MLLT10: variants seen among roughly 807,000 people sequenced by gnomAD.
MLLT10 encodes MLLT10 histone lysine methyltransferase DOT1L cofactor.
MLLT10 carries 30 observed loss-of-function variants against 129.1 expected under a neutral mutation model. The observed-to-expected ratio is 0.23, with a 90% CI of 0.17 to 0.32. MLLT10 has a LOEUF of 0.32. MLLT10 is among the 10% of genes least tolerant of loss of function. The pLI is 1.00. For missense variants in MLLT10, 1,119 were observed against 1,268.3 expected (o/e 0.88, Z 1.79); for synonymous variants, 490 against 446.4 (o/e 1.10, Z -1.23).
intron 5 of MLLT10, among the ~76,000 whole-genome samples, chr10:21,608,869 C>G (rs2044319600): frequency 2.6e-5 from 4 of 152,112 alleles, no homozygotes; most frequent in Admixed American, 2.6e-4. Flanking sequence ...CATCTGGGTA[C>G]TCTCAAAGAC....
chr10:21,543,333 C>A (rs2035529097), intron 3 of MLLT10, among the ~76,000 whole-genome samples: 2 of 152,050 alleles, frequency 1.3e-5, no homozygotes, highest in African/African-American at 2.4e-5. Context: ...TTTGGCCAGG[C>A]TGGTCTCGAA....
chr10:21,646,539 G>A (rs985255332), intron 8 of MLLT10, among the ~76,000 whole-genome samples: 3 of 150,694 alleles, frequency 2.0e-5, no homozygotes, highest in Non-Finnish European at 4.4e-5. Context: ...TCTACCTTGT[G>A]CTTGTTTAAG....
chr10:21,625,123 A>G, intron 8 of MLLT10: 4 of 999,256 alleles, frequency 4.0e-6, no homozygotes, highest in Non-Finnish European at 6.3e-6. Flanking sequence ...CCTCTCCCCC[A>G]ACCTCTAATC....
intron 10 of MLLT10, among the ~76,000 whole-genome samples, chr10:21,672,168 A>AGTGTGTGTGTGTGTGTGT (rs55769872): frequency 1.0e-3 from 136 of 134,364 alleles, no homozygotes; most frequent in African/African-American, 3.5e-3. Flanking sequence ...CCAGGTTTTC[A>AGTGTGTGTGTGTGTGTGT]GTGTGTGTGT....
intron 8 of MLLT10, among the ~76,000 whole-genome samples, chr10:21,648,857 G>C (rs1260417501): frequency 1.3e-5 from 2 of 152,122 alleles, no homozygotes; most frequent in African/African-American, 4.8e-5. Flanking sequence ...GAGACAATGT[G>C]CAGGGGAACT....
upstream of MLLT10, among the ~76,000 whole-genome samples, chr10:21,533,998 C>A (rs947130959): frequency 1.3e-5 from 2 of 152,012 alleles, no homozygotes; most frequent in African/African-American, 4.8e-5. Context: ...CTGCAGAGGG[C>A]GGCCCTAACG....
intron 3 of MLLT10, among the ~76,000 whole-genome samples, chr10:21,577,104 C>T (rs2040850298): frequency 6.6e-6 from 1 of 152,188 alleles, no homozygotes; most frequent in Non-Finnish European, 1.5e-5. Flanking sequence ...TGGGACATTT[C>T]ATATAAATGG....
chr10:21,625,489 A>C, intron 8 of MLLT10: 1 of 992,120 alleles, frequency 1.0e-6, no homozygotes, highest in Middle Eastern at 2.1e-4. Flanking sequence ...AGCCCATTCA[A>C]CTGTAACTAC....
intron 17 of MLLT10, among the ~76,000 whole-genome samples, chr10:21,731,377 A>G (rs1251089185): frequency 2.0e-5 from 3 of 152,156 alleles, no homozygotes; most frequent in South Asian, 2.1e-4. Flanking sequence ...ATTAAATGAC[A>G]TGAAAAATGT....
chr10:21,539,004 C>A, intron 3 of MLLT10, 92 bp downstream of exon 3: 2 of 818,198 alleles, frequency 2.4e-6, no homozygotes, highest in South Asian at 3.5e-5. Flanking sequence ...GGTTGTCAGT[C>A]ATTTCTTCAA....
chr10:21,583,971 G>A (rs1231189029), intron 3 of MLLT10, among the ~76,000 whole-genome samples: 2 of 151,678 alleles, frequency 1.3e-5, no homozygotes, highest in Admixed American at 6.6e-5. Flanking sequence ...CTGGGTTCAC[G>A]CCATTCTTCT....
chr10:21,584,714 GTATA>G lies in MLLT10; in HGVS notation c.241-1574_241-1571del, dbSNP rs946069817. Among the ~76,000 whole-genome samples the G allele has an allele frequency of 1.0e-3, 153 of 151,508 alleles. 2 individuals are homozygous for G. The highest frequency in any genetic ancestry group is 3.6e-3 in the African/African-American group (148 of 41,320). ...TTGTAATTTATATATGTATGTAAGT[GTATA>G]TATATTTATATGTAGGGTGTGTATA... On this transcript the variant is annotated intron_variant, in intron 3 of 22. Transcript: ENST00000307729.
At chr10:21,576,927 G>A (rs1330245847) in intron 3 of MLLT10, among the ~76,000 whole-genome samples, 3 of 152,126 alleles carry the variant, frequency 2.0e-5, no homozygotes, top group African/African-American at 7.2e-5. Context: ...CACTGCGCCC[G>A]GCCAATTGTT....
At chr10:21,597,120 A>G (rs528739004) in intron 5 of MLLT10, among the ~76,000 whole-genome samples, 3 of 152,290 alleles carry the variant, frequency 2.0e-5, no homozygotes, top group African/African-American at 7.2e-5. Flanking sequence ...AATAGTACAA[A>G]AGAACTCTTC....
At chr10:21,555,772 G>GCAA (rs1442313469) in intron 3 of MLLT10, among the ~76,000 whole-genome samples, 3 of 148,656 alleles carry the variant, frequency 2.0e-5, no homozygotes, top group African/African-American at 2.5e-5. Context: ...GGTTCAAGTG[G>GCAA]TTCTTCTGCC....
rs1351823973 is a variant in MLLT10 at position 21,666,223 on chromosome 10, C to A, written c.796-4226C>A. On this transcript the variant is annotated intron_variant, in intron 9 of 22. Coordinates refer to ENST00000307729, the MANE Select transcript of MLLT10 (RefSeq NM_001195626.3). ...GAGTTTACCTTCAAGCAATATTATA[C>A]TAGTTTACATAAAGTATAAGAACCT... is the stretch of plus-strand genomic sequence containing the variant. Among the ~76,000 whole-genome samples the A allele has an allele frequency of 2.0e-5, 3 of 152,034 alleles. No individual in the cohort carries two copies. The East Asian group carries it at 5.8e-4, about 29-fold the overall frequency.
chr10:21,537,393 G>A (rs1433454913), intron 2 of MLLT10, among the ~76,000 whole-genome samples: 5 of 152,060 alleles, frequency 3.3e-5, no homozygotes, highest in African/African-American at 9.7e-5. Context: ...TACCTCCCGG[G>A]TTCATGTGAT....
At position 21,733,920 on chromosome 10, in the gene MLLT10, G is replaced by A. The variant is rs2058147307; in HGVS notation, c.2649G>A (p.Gln883=). 3 of 1,614,092 alleles carry A rather than the reference G, an allele frequency of 1.9e-6. No individual in the cohort carries two copies. Among genetic ancestry groups the A allele is most frequent in the African/African-American group, 1.3e-5 (1 of 74,934 alleles). Residue 883 remains glutamine (Q), a synonymous_variant, in exon 20 of 23, where the codon CAG becomes CAA. Transcript: ENST00000307729. Reference sequence around the variant, plus strand: ...TGGGGGCACTAGCTAGTGGAATGCAGCCTGTAACTTCCACCATTCCTGCCG... The same window carrying A: ...TGGGGGCACTAGCTAGTGGAATGCAACCTGTAACTTCCACCATTCCTGCCG... ...VTVGALASGM[Q]PVTSTIPAVS...
chr10:21,662,213 T>G (rs982515298), intron 9 of MLLT10, among the ~76,000 whole-genome samples: 2 of 152,164 alleles, frequency 1.3e-5, no homozygotes, highest in Non-Finnish European at 2.9e-5. Flanking sequence ...GCATTTATCT[T>G]GTTTGGCATC....
Sources: gnomAD v4.1 joint callset for allele counts (sites outside exome capture counted in the v4.1 genomes callset) on GRCh38, gnomAD v4.1.1 for gene constraint, MANE v1.5 for transcripts, NCBI Gene and HGNC (gene_info 2026-07-23, HGNC 2026-07-21) for gene names.